Variants in PUM3 observed in about 807,000 individuals in gnomAD.
PUM3 encodes pumilio RNA binding family member 3.
PUM3 carries 91 observed loss-of-function variants against 84.0 expected under a neutral mutation model. The ratio of observed to expected loss-of-function variants is 1.08; its 90% CI spans 0.91 to 1.29. The LOEUF (loss-of-function observed/expected upper bound fraction) is 1.29. PUM3 is among the 50% of genes most tolerant of loss of function. PUM3 has a pLI of 0.00. For synonymous variants in PUM3, 321 were observed against 266.7 expected (o/e 1.20, Z -1.98); for missense variants, 1,067 against 767.5 (o/e 1.39, Z -4.61).
chr9:2,833,030 C>A (rs138945185), intron 5 of PUM3, among the ~76,000 whole-genome samples: 74 of 152,250 alleles, frequency 4.9e-4, no homozygotes, highest in African/African-American at 1.7e-3. Context: ...TGAGAACATA[C>A]TAAATTATAT....
At chr9:2,826,099 GT>G (rs57188726) in intron 10 of PUM3, among the ~76,000 whole-genome samples, 3,855 of 143,208 alleles carry the variant, frequency 0.027, 164 homozygotes, top group African/African-American at 0.087. Context: ...TTCCCCGAAG[GT>G]TTTTTTTTTT....
At chr9:2,818,570 C>T (rs1321765562) in intron 13 of PUM3, among the ~76,000 whole-genome samples, 1 of 152,112 alleles carries the variant, frequency 6.6e-6, no homozygotes, top group Admixed American at 6.6e-5. Context: ...TGTGAAACAA[C>T]TTTATTCATC....
At chr9:2,837,140 G>C in intron 3 of PUM3, 40 bp downstream of exon 3, 1 of 1,547,254 alleles carries the variant, frequency 6.5e-7, no homozygotes, top group East Asian at 2.2e-5. Context: ...GTGCACAATC[G>C]TTCAGGCACT....
chr9:2,823,626 T>C (rs1471194631), intron 12 of PUM3, among the ~76,000 whole-genome samples, 155 bp downstream of exon 12: 1 of 152,154 alleles, frequency 6.6e-6, no homozygotes, highest in Non-Finnish European at 1.5e-5. Context: ...TTTGTGTAGA[T>C]AAAATATGAA....
chr9:2,843,291 T>C (rs573019947), intron 1 of PUM3, among the ~76,000 whole-genome samples: 1 of 152,208 alleles, frequency 6.6e-6, no homozygotes, highest in South Asian at 2.1e-4. Flanking sequence ...CTTAGCCCAT[T>C]ATCGCCTCTG....
At chr9:2,842,937 C>G (rs1816307489) in intron 1 of PUM3, among the ~76,000 whole-genome samples, 7 of 152,270 alleles carry the variant, frequency 4.6e-5, no homozygotes, top group Admixed American at 4.6e-4. Context: ...CTGAGTTACC[C>G]TTGACATTTT....
At chr9:2,824,849 G>T in intron 10 of PUM3, 34 bp from the exon 11 acceptor site, 1 of 1,394,762 alleles carries the variant, frequency 7.2e-7, no homozygotes, top group Non-Finnish European at 9.7e-7. Flanking sequence ...ACAGGGCTCT[G>T]CTTTATTTTC....
At chr9:2,843,709 G>T (rs1016040292) in intron 1 of PUM3, among the ~76,000 whole-genome samples, 10 of 151,224 alleles carry the variant, frequency 6.6e-5, no homozygotes, top group Non-Finnish European at 1.5e-4. Flanking sequence ...CTCCCAAGTA[G>T]CTGGGACCAC....
At chr9:2,805,857 C>G (rs1353773015) in intron 17 of PUM3, among the ~76,000 whole-genome samples, 1 of 151,924 alleles carries the variant, frequency 6.6e-6, no homozygotes, top group Non-Finnish European at 1.5e-5. Context: ...AGGCTATGCA[C>G]TAAGCTAGAA....
At chr9:2,814,129 G>A (rs1821422890) in intron 13 of PUM3, among the ~76,000 whole-genome samples, 1 of 152,166 alleles carries the variant, frequency 6.6e-6, no homozygotes, top group Admixed American at 6.5e-5. Context: ...AGTAACAAAC[G>A]GGAAAACACA....
chr9:2,831,330 G>T lies in PUM3; in HGVS notation c.531C>A (p.His177Gln). 1.2e-6 allele frequency: 2 copies of T among 1,604,150 alleles called. No individual in the cohort carries two copies. Among genetic ancestry groups the T allele is most frequent in the Non-Finnish European group, 8.5e-7 (1 of 1,175,734 alleles). ...QGKIKTIAFA[H>Q]DSTRVIQCYI... Reference sequence around the variant, plus strand: ...AACACTGGATCACACGAGTTGAATCGTGTGCAAATGCAATCTGCAGGAAAA... The same window carrying T: ...AACACTGGATCACACGAGTTGAATCTTGTGCAAATGCAATCTGCAGGAAAA... Residue 177 changes from histidine (H) to glutamine (Q), a missense_variant, in exon 6 of 18, where the codon CAC (histidine) becomes CAA (glutamine). His to Gln is a conservative substitution (Grantham distance 24). Transcript: ENST00000397885.
chr9:2,807,756 G>A, intron 17 of PUM3, 58 bp downstream of exon 17: 4 of 1,056,950 alleles, frequency 3.8e-6, no homozygotes, highest in African/African-American at 1.6e-5. Flanking sequence ...CAACGTGAAG[G>A]AAGTGTGTCT....
intron 10 of PUM3, among the ~76,000 whole-genome samples, chr9:2,825,362 T>C (rs749891333): frequency 6.6e-6 from 1 of 152,214 alleles, no homozygotes; most frequent in Non-Finnish European, 1.5e-5. Context: ...TATACTAACA[T>C]TTAGACTAAG....
At chr9:2,818,672 T>C (rs1056342507) in intron 13 of PUM3, among the ~76,000 whole-genome samples, 3 of 152,294 alleles carry the variant, frequency 2.0e-5, no homozygotes, top group Admixed American at 2.0e-4. Flanking sequence ...ACAAGGAACA[T>C]GTCAAAATAC....
chr9:2,816,558 G>T (rs527470284), intron 13 of PUM3, among the ~76,000 whole-genome samples: 19 of 151,986 alleles, frequency 1.3e-4, no homozygotes, highest in African/African-American at 4.6e-4. Flanking sequence ...AAGATCTATC[G>T]CCATGGAGCT....
In PUM3 at chr9:2,837,184, G is replaced by A. The variant is rs773508342; in HGVS notation, c.300C>T (p.Ser100=). Residue 100 remains serine (S), a synonymous_variant, in exon 3 of 18, where the codon AGC becomes AGT. Transcript: ENST00000397885. ...CATGAACGAACCAGTACTTACCATC[G>A]CTTCTACCATCTGGCTGGAATTTTC... ...KKRKFQPDGR[S]DESAAKKPKW... is the part of the protein sequence containing the mutation. The A allele has an allele frequency of 1.8e-5, 29 of 1,613,710 alleles. No individual in the cohort carries two copies. Among genetic ancestry groups the A allele is most frequent in the Middle Eastern group, 1.7e-4 (1 of 6,046 alleles).
At chr9:2,807,981 A>G in intron 16 of PUM3, 77 bp from the exon 17 acceptor site, 3 of 851,952 alleles carry the variant, frequency 3.5e-6, no homozygotes, top group Non-Finnish European at 3.7e-6. Flanking sequence ...ACTGCCCTTA[A>G]ATCTGCAAAT....
intron 5 of PUM3, 59 bp from the exon 6 acceptor site, chr9:2,831,403 T>C (rs1029170877): frequency 9.3e-7 from 1 of 1,076,804 alleles, no homozygotes; most frequent in East Asian, 2.4e-5. Flanking sequence ...TTCTCACTAA[T>C]TTATTGTGAC....
At chr9:2,821,599 T>C (rs1815635717) in intron 12 of PUM3, among the ~76,000 whole-genome samples, 1 of 152,160 alleles carries the variant, frequency 6.6e-6, no homozygotes, top group Non-Finnish European at 1.5e-5. Flanking sequence ...GGTGAAAACC[T>C]CTGACAATAG....
Sources: gnomAD v4.1 joint callset for allele counts (sites outside exome capture counted in the v4.1 genomes callset) on GRCh38, gnomAD v4.1.1 for gene constraint, MANE v1.5 for transcripts, NCBI Gene and HGNC (gene_info 2026-07-23, HGNC 2026-07-21) for gene names.